Variants in GAK observed in about 807,000 individuals in gnomAD.
GAK encodes the protein cyclin G associated kinase.
A neutral mutation model predicts 143.9 loss-of-function variants in GAK; 79 were observed. The ratio of observed to expected loss-of-function variants is 0.55; its 90% CI spans 0.46 to 0.66. The LOEUF (loss-of-function observed/expected upper bound fraction) is 0.66. Among genes scored for constraint, GAK ranks in the 30% least tolerant of loss-of-function variants. The pLI is 0.00. For missense variants in GAK, 1,693 were observed against 1,779.7 expected (o/e 0.95, Z 0.88); for synonymous variants, 881 against 765.5 (o/e 1.15, Z -2.49).
chr4:850,786 C>T, intron 26 of GAK, 150 bp downstream of exon 26: 1 of 831,130 alleles, frequency 1.2e-6, no homozygotes. Context: ...AGGTCCCTGT[C>T]TGGAGACGCC....
rs764879755 is a variant in GAK at position 883,338 on chromosome 4, G to A, written c.1381C>T (p.Arg461Trp). ...ACCCGGTTGTGGAACCTGGAGGGCC[G>A]GTAGGTCCTCGGGGACAGGTTGTAG... ...AVYNLSPRTY[R>W]PSRFHNRVSE... The change falls in exon 13 of 28, where the codon CGG (arginine) becomes TGG (tryptophan). Residue 461 changes from arginine to tryptophan, a missense_variant. By Grantham distance (101) the Arg-to-Trp change is moderately radical. Around this residue, in one of 2 missense-constraint regions of GAK, gnomAD observed 871 missense variants for 991.0 expected, o/e 0.88. Coordinates refer to ENST00000314167, the MANE Select transcript of GAK (RefSeq NM_005255.4). 46 of 1,613,472 alleles carry A rather than the reference G, an allele frequency of 2.9e-5. No homozygotes were observed. The highest frequency in any genetic ancestry group is 4.4e-5 in the South Asian group (4 of 91,070).
chr4:849,726 G>C lies in GAK; in HGVS notation c.3883C>G (p.Leu1295Val). ...TCAAACTCCGACCAGGCGTCATTCA[G>C]CTCCATGAAGATCATCTTGGCGTGC... ...EQHAKMIFME[L>V]NDAWSEFENQ... Residue 1295 changes from leucine to valine, a missense_variant, in exon 28 of 28, where the codon CTG (leucine) becomes GTG (valine). This residue lies in a region of GAK where 822 missense variants were observed against 788.7 expected (regional missense o/e 1.04). Coordinates refer to ENST00000314167, the MANE Select transcript of GAK (RefSeq NM_005255.4). The C allele has an allele frequency of 6.2e-7, 1 of 1,613,528 alleles. No homozygotes were observed.
At chr4:864,139 G>A (rs1205715302) in intron 23 of GAK, among the ~76,000 whole-genome samples, 1 of 152,154 alleles carries the variant, frequency 6.6e-6, no homozygotes, top group Non-Finnish European at 1.5e-5. Flanking sequence ...TGCATGCATC[G>A]CCTAAGCCCG....
Position 876,599 on chromosome 4 carries a change from A to C in GAK, c.1985T>G (p.Met662Arg). The C allele has an allele frequency of 6.2e-7, 1 of 1,614,146 alleles. No individual in the cohort carries two copies. The highest frequency in any genetic ancestry group is 8.5e-7 in the Non-Finnish European group (1 of 1,179,990). The change falls in exon 18 of 28, where the codon ATG (methionine) becomes AGG (arginine). Residue 662 changes from methionine (M) to arginine (R), a missense_variant. By Grantham distance (91) the Met-to-Arg change is moderately conservative (BLOSUM62 -1). Around this residue, in one of 2 missense-constraint regions of GAK, gnomAD observed 871 missense variants for 991.0 expected, o/e 0.88. Transcript: ENST00000314167. ...GTGGAACTGAATCTGGAACATCTTC[A>C]TGGATGCCATCTGCAAAGAGAGCAA... ...GGRLQAKMAS[M>R]KMFQIQFHTG... is the part of the protein sequence containing the mutation.
chr4:907,174 T>C (rs1426697038), intron 4 of GAK, among the ~76,000 whole-genome samples: 1 of 152,164 alleles, frequency 6.6e-6, no homozygotes, highest in Non-Finnish European at 1.5e-5. Flanking sequence ...TGGGCCACGC[T>C]AGAATCGACT....
chr4:868,655 G>A lies in GAK; in HGVS notation c.2279C>T (p.Ser760Phe), dbSNP rs749304935. Residue 760 changes from serine (S) to phenylalanine (F), a missense_variant, in exon 20 of 28, where the codon TCC becomes TTC. Ser to Phe is a radical substitution (Grantham distance 155, BLOSUM62 -2). Coordinates refer to ENST00000314167, the MANE Select transcript of GAK (RefSeq NM_005255.4). ...GKPELPRQPG[S>F]TAQYDAGAGS... is the part of the protein sequence containing the mutation. ...TGCCCCAGCATCATACTGAGCCGTG[G>A]AGCCAGGCTGCCGGGGAAGCTCCGG... is the stretch of plus-strand genomic sequence containing the variant. The A allele has an allele frequency of 1.9e-6, 3 of 1,556,728 alleles. No homozygotes were observed. The highest frequency in any genetic ancestry group is 1.9e-5 in the Admixed American group (1 of 51,630).
intron 1 of GAK, chr4:915,467 A>G (rs1041482298): frequency 6.5e-6 from 1 of 153,000 alleles, no homozygotes; most frequent in African/African-American, 2.4e-5. Context: ...CGACGCCCAA[A>G]AGAGGAAAAG....
chr4:911,465 C>A (rs1048293363), intron 4 of GAK, among the ~76,000 whole-genome samples: 1 of 152,208 alleles, frequency 6.6e-6, no homozygotes, highest in Admixed American at 6.5e-5. Flanking sequence ...ATGCAGGTGG[C>A]CCACCGGGAC....
intron 11 of GAK, 25 bp from the exon 12 acceptor site, chr4:884,111 G>A (rs771634973): frequency 1.9e-6 from 3 of 1,607,276 alleles, no homozygotes; most frequent in East Asian, 2.2e-5. Context: ...AAGAGAACTT[G>A]GTTATGACAA....
chr4:883,252 C>A (rs1363571883), intron 13 of GAK, 63 bp downstream of exon 13: 90 of 1,578,878 alleles, frequency 5.7e-5, no homozygotes, highest in Non-Finnish European at 7.4e-5. Flanking sequence ...CTCAGCTATG[C>A]CCCTGCACTG....
At chr4:895,169 C>T (rs1201262536) in intron 7 of GAK, among the ~76,000 whole-genome samples, 1 of 152,194 alleles carries the variant, frequency 6.6e-6, no homozygotes, top group Non-Finnish European at 1.5e-5. Flanking sequence ...AGAACTGACC[C>T]CATATGCAGG....
intron 18 of GAK, among the ~76,000 whole-genome samples, chr4:873,961 G>C (rs1300879201): frequency 1.3e-5 from 2 of 152,124 alleles, no homozygotes; most frequent in Non-Finnish European, 2.9e-5. Context: ...ACCTGGGTTT[G>C]TTTGTTTATC....
At chr4:902,686 C>T (rs2152902350) in intron 5 of GAK, among the ~76,000 whole-genome samples, 1 of 151,446 alleles carries the variant, frequency 6.6e-6, no homozygotes, top group East Asian at 1.9e-4. Flanking sequence ...CAGGCACAGG[C>T]TTCACAGATA....
At chr4:881,490 C>A (rs1225175301) in intron 15 of GAK, among the ~76,000 whole-genome samples, 1 of 152,234 alleles carries the variant, frequency 6.6e-6, no homozygotes, top group South Asian at 2.1e-4. Context: ...TGAGGTGGAG[C>A]GGCACAGAAG....
chr4:891,152 G>A (rs1717574759), intron 9 of GAK, among the ~76,000 whole-genome samples: 1 of 152,044 alleles, frequency 6.6e-6, no homozygotes, highest in Non-Finnish European at 1.5e-5. Context: ...GTAGAGATGG[G>A]GTTTCACCAC....
At chr4:862,619 C>T (rs1049074494) in intron 23 of GAK, among the ~76,000 whole-genome samples, 23 of 151,514 alleles carry the variant, frequency 1.5e-4, no homozygotes, top group African/African-American at 5.3e-4. Flanking sequence ...GATCACACCA[C>T]TGCACTCCAG....
chr4:890,761 T>C (rs530522071), intron 9 of GAK, 139 bp from the exon 10 acceptor site: 8 of 640,388 alleles, frequency 1.2e-5, no homozygotes, highest in Admixed American at 2.8e-5. Flanking sequence ...AGGGAGGAAC[T>C]TCCCACAGGC....
At chr4:896,667 G>A (rs56253253) in intron 6 of GAK, 118 bp from the exon 7 acceptor site, 17 of 771,030 alleles carry the variant, frequency 2.2e-5, no homozygotes, top group South Asian at 6.2e-5. Context: ...AGCCTGTCCC[G>A]CACACTATGC....
At position 849,984 on chromosome 4, in the gene GAK, G is replaced by A. The variant is rs1309819549; in HGVS notation, c.3742C>T (p.Arg1248Cys). The A allele has an allele frequency of 1.1e-5, 18 of 1,611,504 alleles. No individual in the cohort carries two copies. Among genetic ancestry groups the A allele is most frequent in the African/African-American group, 4.0e-5 (3 of 74,876 alleles). The change falls in exon 27 of 28, where the codon CGC (arginine) becomes TGC (cysteine). Residue 1248 changes from arginine to cysteine, a missense_variant. Physicochemically the swap from Arg to Cys is radical, Grantham distance 180. Coordinates refer to ENST00000314167, the MANE Select transcript of GAK (RefSeq NM_005255.4). The stretch of plus-strand genomic sequence containing the variant: ...TCGGCCATGCCCACGGGCGTCCAGC[G>A]GCTCTCCCCGTCCCACAGCACTGTG... ...LHTVLWDGES[R>C]WTPVGMADLV...
Sources: gnomAD v4.1 joint callset for allele counts (sites outside exome capture counted in the v4.1 genomes callset) on GRCh38, gnomAD v4.1.1 for gene constraint, gnomAD v4.1.1 regional missense constraint, MANE v1.5 for transcripts, NCBI Gene and HGNC (gene_info 2026-07-23, HGNC 2026-07-21) for gene names.